Variants in CAMTA1 observed in about 807,000 individuals in gnomAD.
The protein encoded by CAMTA1 is calmodulin binding transcription activator 1, also known as calmodulin-binding transcription activator 1.
CAMTA1 carries 27 observed loss-of-function variants against 170.9 expected under a neutral mutation model. The ratio of observed to expected loss-of-function variants is 0.16; its 90% CI spans 0.12 to 0.22. The LOEUF is 0.22. CAMTA1 is among the 10% of genes least tolerant of loss of function. The pLI, the probability that CAMTA1 is intolerant of heterozygous loss-of-function variation, is 1.00. For synonymous variants in CAMTA1, 833 were observed against 891.5 expected, an observed-to-expected ratio of 0.93 and a Z score of 1.17; for missense variants, 1,619 against 2,217.2, an observed-to-expected ratio of 0.73 and a Z score of 5.42.
At chr1:7,683,832 A>G (rs1392000304) in intron 11 of CAMTA1, among the ~76,000 whole-genome samples, 2 of 152,198 alleles carry the variant, frequency 1.3e-5, no homozygotes, top group African/African-American at 4.8e-5. Context: ...GCTTGGGTGC[A>G]TGTGCTCCCC....
intron 16 of CAMTA1, among the ~76,000 whole-genome samples, chr1:7,739,477 C>T (rs936670078): frequency 3.9e-5 from 6 of 152,156 alleles, no homozygotes; most frequent in South Asian, 2.1e-4. Context: ...TCTGACCTAC[C>T]GTATTAGTCC....
At chr1:7,345,880 C>T (rs1215287594) in intron 5 of CAMTA1, among the ~76,000 whole-genome samples, 1 of 152,190 alleles carries the variant, frequency 6.6e-6, no homozygotes. Context: ...TGTGGAAATA[C>T]AGCAGGAGGG....
intron 6 of CAMTA1, among the ~76,000 whole-genome samples, chr1:7,639,032 G>A (rs1019934916): frequency 2.0e-5 from 3 of 152,308 alleles, no homozygotes; most frequent in Non-Finnish European, 2.9e-5. Flanking sequence ...AGGCTGGAGT[G>A]CAGGGGTGCG....
chr1:7,596,365 G>A (rs74055163), intron 6 of CAMTA1, among the ~76,000 whole-genome samples: 1 of 152,244 alleles, frequency 6.6e-6, no homozygotes, highest in South Asian at 2.1e-4. Context: ...CAAGGGATCA[G>A]CTCAGAAGAT....
intron 3 of CAMTA1, among the ~76,000 whole-genome samples, chr1:6,955,234 G>A (rs1572011317): frequency 1.3e-5 from 2 of 152,222 alleles, no homozygotes; most frequent in African/African-American, 2.4e-5. Flanking sequence ...GGGGGTAGAC[G>A]ATAGTGACGG....
chr1:7,185,667 C>G (rs139842534), intron 4 of CAMTA1, among the ~76,000 whole-genome samples: 1 of 152,134 alleles, frequency 6.6e-6, no homozygotes, highest in Non-Finnish European at 1.5e-5. Context: ...ATCGTGAAAT[C>G]GGGACAAACA....
intron 11 of CAMTA1, among the ~76,000 whole-genome samples, chr1:7,718,013 C>T (rs1296642024): frequency 6.6e-6 from 1 of 152,166 alleles, no homozygotes; most frequent in Non-Finnish European, 1.5e-5. Context: ...CTGGGATGAA[C>T]GTAGTCACTG....
chr1:7,749,367 A>G (rs1421630548), intron 19 of CAMTA1, among the ~76,000 whole-genome samples: 3 of 152,126 alleles, frequency 2.0e-5, no homozygotes, highest in Non-Finnish European at 2.9e-5. Context: ...CCAGAAAAGG[A>G]AGGTTTATTG....
chr1:6,956,169 A>T (rs1182345346), intron 3 of CAMTA1, among the ~76,000 whole-genome samples: 1 of 152,176 alleles, frequency 6.6e-6, no homozygotes. Context: ...AGCAGAGATG[A>T]ACTAGCAGGG....
rs1345349337 is a variant in CAMTA1 at position 7,113,922 on chromosome 1, G to A, written c.302+22551G>A. 6.6e-6 allele frequency among the ~76,000 whole-genome samples: 1 copy of A among 152,168 alleles called. No individual in the cohort carries two copies. The highest frequency in any genetic ancestry group is 1.5e-5 in the Non-Finnish European group (1 of 68,030). On this transcript the variant is annotated intron_variant, in intron 4 of 22. Transcript: ENST00000303635. The surrounding 1 kb of genome is among the most constrained non-coding windows in gnomAD (Gnocchi z 4.5). ...CACAGGAAACCTTGGCTTTGTGGCC[G>A]TATTGGTCTTTCTTTACATCATCGG... is the stretch of plus-strand genomic sequence containing the variant.
At chr1:7,394,569 T>C (rs2089081240) in intron 5 of CAMTA1, among the ~76,000 whole-genome samples, 1 of 152,202 alleles carries the variant, frequency 6.6e-6, no homozygotes, top group African/African-American at 2.4e-5. Context: ...TTATTTGAGT[T>C]CCTTATACAT....
At chr1:7,087,040 A>C (rs1324593571) in intron 3 of CAMTA1, among the ~76,000 whole-genome samples, 1 of 152,224 alleles carries the variant, frequency 6.6e-6, no homozygotes, top group African/African-American at 2.4e-5. Context: ...TGGCTCCGCC[A>C]TGAACATGCT....
intron 3 of CAMTA1, among the ~76,000 whole-genome samples, chr1:6,826,757 A>G (rs113057354): frequency 5.9e-5 from 9 of 152,266 alleles, no homozygotes; most frequent in African/African-American, 1.9e-4. Context: ...TATTTTAACT[A>G]TGATTTGACA....
At chr1:7,218,848 AAAG>A (rs1291081873) in intron 4 of CAMTA1, among the ~76,000 whole-genome samples, 1 of 152,036 alleles carries the variant, frequency 6.6e-6, no homozygotes, top group African/African-American at 2.4e-5. Flanking sequence ...CAGTCGTGTG[AAAG>A]GTGTGTGGGA....
At chr1:6,820,878 C>G (rs904349806) in intron 2 of CAMTA1, among the ~76,000 whole-genome samples, 1 of 152,174 alleles carries the variant, frequency 6.6e-6, no homozygotes, top group Non-Finnish European at 1.5e-5. Context: ...GAGAATGTCC[C>G]AAAACCCAAA....
intron 3 of CAMTA1, among the ~76,000 whole-genome samples, chr1:6,967,221 A>T (rs1266088494): frequency 6.6e-6 from 1 of 152,020 alleles, no homozygotes; most frequent in African/African-American, 2.4e-5. Context: ...AGCCTGGGTG[A>T]CAGAGTGAGA....
chr1:7,036,281 A>C (rs1703580684), intron 3 of CAMTA1, among the ~76,000 whole-genome samples: 1 of 152,170 alleles, frequency 6.6e-6, no homozygotes, highest in Admixed American at 6.5e-5. Flanking sequence ...AGTCTTCCAT[A>C]ATCATCATCA....
At position 7,655,776 on chromosome 1, in the gene CAMTA1, C is replaced by T. The variant is rs111332187; in HGVS notation, c.665-5950C>T. Among the ~76,000 whole-genome samples the T allele has an allele frequency of 3.9e-3, 599 of 152,308 alleles. 6 individuals are homozygous for T. The highest frequency in any genetic ancestry group is 0.013 in the African/African-American group (556 of 41,556). ...ACCTATATGTACAAACACCTATACA[C>T]GCGCACCTGTACACACACACGTGTG... On this transcript the variant is annotated intron_variant, in intron 7 of 22. Coordinates refer to ENST00000303635, the MANE Select transcript of CAMTA1 (RefSeq NM_015215.4).
intron 3 of CAMTA1, among the ~76,000 whole-genome samples, chr1:6,883,559 A>G (rs1175446880): frequency 6.6e-6 from 1 of 152,104 alleles, no homozygotes; most frequent in African/African-American, 2.4e-5. Flanking sequence ...AATCGATGTG[A>G]GGATTGAGGA....
Sources: gnomAD v4.1 joint callset for allele counts (sites outside exome capture counted in the v4.1 genomes callset) on GRCh38, gnomAD v4.1.1 for gene constraint, Gnocchi (gnomAD v3.1) non-coding constraint, MANE v1.5 for transcripts, NCBI Gene and HGNC (gene_info 2026-07-23, HGNC 2026-07-21) for gene names.